RASSF5: variants seen among roughly 807,000 people sequenced by gnomAD.
The protein encoded by RASSF5 is Ras association domain family member 5.
Under a neutral mutation model 40.5 loss-of-function variants are expected in RASSF5, and 25 were observed. The ratio of observed to expected loss-of-function variants is 0.62; its 90% CI spans 0.45 to 0.86. The LOEUF (loss-of-function observed/expected upper bound fraction) is 0.86, where lower values mean the gene tolerates loss of function less well. Ranked by LOEUF, RASSF5 falls within the 40% of genes least tolerant of loss-of-function variation. The probability of loss-of-function intolerance (pLI) is 0.00; values close to 1 mark genes in which losing one functional copy is unlikely to be tolerated. For synonymous variants in RASSF5, 246 were observed against 252.4 expected, an observed-to-expected ratio of 0.97 and a Z score of 0.24; for missense variants, 521 against 572.8, an observed-to-expected ratio of 0.91 and a Z score of 0.92.
intron 2 of RASSF5, among the ~76,000 whole-genome samples, chr1:206,578,086 G>C (rs1668721743): frequency 6.6e-6 from 1 of 150,828 alleles, no homozygotes; most frequent in Admixed American, 6.6e-5. Flanking sequence ...AATTAGCCAG[G>C]AGTGTGGCAC....
chr1:206,528,715 G>T lies in RASSF5; in HGVS notation c.458-9457G>T, dbSNP rs373069214. ...TTCCTGCTCAATTTTACTGTGAACCGACATTGTTCCAAAAAAGTCTATTTT... is the reference window on the plus strand; with the variant it reads ...TTCCTGCTCAATTTTACTGTGAACCTACATTGTTCCAAAAAAGTCTATTTT... On this transcript the variant is annotated intron_variant, in intron 1 of 5. Coordinates refer to ENST00000579436, the MANE Select transcript of RASSF5 (RefSeq NM_182663.4). Among the ~76,000 whole-genome samples, 8 of 152,106 alleles carry T rather than the reference G, an allele frequency of 5.3e-5. No individual in the cohort carries two copies. The East Asian group carries it at 1.5e-3, about 29-fold the overall frequency.
Position 206,507,819 on chromosome 1 carries a change from C to G in RASSF5, c.217C>G (p.Pro73Ala). The change falls in exon 1 of 6, where the codon CCG (proline) becomes GCG (alanine). Residue 73 changes from proline (P) to alanine (A), a missense_variant. Physicochemically the swap from Pro to Ala is conservative, Grantham distance 27. Coordinates refer to ENST00000579436, the MANE Select transcript of RASSF5 (RefSeq NM_182663.4). ...GGCTGCCCGGGGGAACCTGGAGCCC[C>G]CGCCCCGGGCCTCCCGACCCGCTCG... Reference protein sequence around the residue: ...RRAARGNLEPPPRASRPARPL... With the variant: ...RRAARGNLEPAPRASRPARPL... 7.1e-7 allele frequency: 1 copy of G among 1,407,758 alleles called. No homozygotes were observed. Among genetic ancestry groups the G allele is most frequent in the East Asian group, 3.0e-5 (1 of 32,836 alleles). 87.2% of individuals were successfully genotyped at this position (1,407,758 alleles called of 1,614,324 possible).
intron 1 of RASSF5, among the ~76,000 whole-genome samples, chr1:206,521,333 G>A (rs1375798895): frequency 3.3e-5 from 5 of 152,112 alleles, no homozygotes; most frequent in Admixed American, 6.5e-5. Context: ...GCCTGCTTTC[G>A]CCCGGTTGAT....
chr1:206,521,247 T>TA (rs1340791530), intron 1 of RASSF5, among the ~76,000 whole-genome samples: 3 of 152,236 alleles, frequency 2.0e-5, no homozygotes, highest in African/African-American at 4.8e-5. Flanking sequence ...GATGCAGCTG[T>TA]AAAGAAACCT....
chr1:206,562,664 G>A (rs183998467), intron 2 of RASSF5, among the ~76,000 whole-genome samples: 30 of 152,288 alleles, frequency 2.0e-4, no homozygotes, highest in Non-Finnish European at 3.8e-4. Flanking sequence ...CGGGCGTGGT[G>A]GCTCATGCCT....
chr1:206,550,252 A>G (rs1263776710), intron 2 of RASSF5, among the ~76,000 whole-genome samples: 1 of 152,094 alleles, frequency 6.6e-6, no homozygotes, highest in Non-Finnish European at 1.5e-5. Flanking sequence ...TGGTTGTTTT[A>G]ATCAGGAGGA....
intron 2 of RASSF5, 127 bp from the exon 3 acceptor site, chr1:206,583,142 G>A (rs1398568879): frequency 4.1e-5 from 27 of 665,386 alleles, no homozygotes; most frequent in Non-Finnish European, 6.3e-5. Context: ...AGTCCGTGCA[G>A]TTAGTTCCAC....
Position 206,538,247 on chromosome 1 carries a change from G to A in RASSF5, c.533G>A (p.Arg178Gln), listed in dbSNP as rs782638829. The A allele has an allele frequency of 1.4e-5, 22 of 1,614,030 alleles. No homozygotes were observed. The highest frequency in any genetic ancestry group is 1.7e-4 in the Middle Eastern group (1 of 6,052). ...TGCAGTCAGCAGGAGGGTTTATCCC[G>A]GGACAGACCCTCTCCAGAAAGCACC... ...LDCSQQEGLS[R>Q]DRPSPESTLT... is the part of the protein sequence containing the mutation. The change falls in exon 2 of 6, where the codon CGG becomes CAG. Residue 178 changes from arginine (R) to glutamine (Q), a missense_variant. Arg to Gln is a conservative substitution (Grantham distance 43). This residue lies in a region of RASSF5 where 284 missense variants were observed against 360.8 expected (regional missense o/e 0.79). Coordinates refer to ENST00000579436, the MANE Select transcript of RASSF5 (RefSeq NM_182663.4).
intron 2 of RASSF5, among the ~76,000 whole-genome samples, chr1:206,572,215 C>T (rs572505198): frequency 1.2e-4 from 19 of 152,228 alleles, no homozygotes; most frequent in African/African-American, 4.6e-4. Flanking sequence ...TTTTCTTCAA[C>T]GCATGAAGCC....
Position 206,507,829 on chromosome 1 carries a change from C to A in RASSF5, c.227C>A (p.Ala76Asp). Residue 76 changes from alanine to aspartate, a missense_variant, in exon 1 of 6, where the codon GCC becomes GAC. Around this residue, in one of 2 missense-constraint regions of RASSF5, gnomAD observed 237 missense variants for 212.0 expected, o/e 1.12. Coordinates refer to ENST00000579436, the MANE Select transcript of RASSF5 (RefSeq NM_182663.4). Reference protein sequence around the residue: ...ARGNLEPPPRASRPARPLRPG... With the variant: ...ARGNLEPPPRDSRPARPLRPG... Reference sequence around the variant, plus strand: ...GGGAACCTGGAGCCCCCGCCCCGGGCCTCCCGACCCGCTCGCCCGCTCCGG... The same window carrying A: ...GGGAACCTGGAGCCCCCGCCCCGGGACTCCCGACCCGCTCGCCCGCTCCGG... The A allele has an allele frequency of 9.1e-6, 13 of 1,425,258 alleles. No homozygotes were observed. The highest frequency in any genetic ancestry group is 1.2e-5 in the Non-Finnish European group (13 of 1,096,616). The allele number at this position is 1,425,258 out of a possible 1,614,324, so 88.3% of individuals were successfully genotyped here. A position where few individuals can be genotyped will look rare whatever the true frequency, so the allele number is the denominator to read the frequency against.
Position 206,531,887 on chromosome 1 carries a change from T to A in RASSF5, c.458-6285T>A, listed in dbSNP as rs1382993679. 1.6e-4 allele frequency among the ~76,000 whole-genome samples: 23 copies of A among 148,172 alleles called. No homozygotes were observed. Among genetic ancestry groups the A allele is most frequent in the African/African-American group, 4.8e-4 (19 of 39,452 alleles). ...CCTGTCTCTACTAAAAAAAAATAAA[T>A]AAATAAATACAAAAATTAGCCAGGC... On this transcript the variant is annotated intron_variant, in intron 1 of 5. Transcript: ENST00000579436. The surrounding 1 kb of genome is among the most constrained non-coding windows in gnomAD (Gnocchi z 4.7).
At chr1:206,551,067 A>G (rs998136704) in intron 2 of RASSF5, among the ~76,000 whole-genome samples, 13 of 152,230 alleles carry the variant, frequency 8.5e-5, no homozygotes, top group African/African-American at 2.9e-4. Context: ...GCCACCAGAA[A>G]TGAGAGGAAC....
intron 2 of RASSF5, among the ~76,000 whole-genome samples, chr1:206,561,663 CTTTT>C (rs61094454): frequency 1.7e-5 from 2 of 118,014 alleles, no homozygotes; most frequent in Admixed American, 9.0e-5. Flanking sequence ...TTTTCTTTTT[CTTTT>C]TTTTTTTTTT....
rs375807739 is a variant in RASSF5 at position 206,538,318 on chromosome 1, A to G, written c.579+25A>G. The stretch of plus-strand genomic sequence containing the variant: ...GGTAGGTGCCAAAGCTCTCGTACCA[A>G]GCTGGGAACAGCCTCTGCAGGTGCC... On this transcript the variant is annotated intron_variant, in intron 2 of 5. Transcript: ENST00000579436. 1.6e-5 allele frequency: 26 copies of G among 1,611,598 alleles called. No individual in the cohort carries two copies. In the African/African-American group the frequency reaches 2.1e-4, roughly 13 times the overall value.
chr1:206,577,761 T>A (rs1258082149), intron 2 of RASSF5, among the ~76,000 whole-genome samples: 6 of 152,220 alleles, frequency 3.9e-5, no homozygotes, highest in Non-Finnish European at 7.3e-5. Context: ...ACCTTTTTTG[T>A]CCACTGTAGG....
chr1:206,528,222 T>C (rs537075936), intron 1 of RASSF5, among the ~76,000 whole-genome samples: 3 of 152,034 alleles, frequency 2.0e-5, no homozygotes, highest in Non-Finnish European at 2.9e-5. Flanking sequence ...ATAGCTACTA[T>C]GTACCCACAA....
chr1:206,582,067 G>A (rs7525989), intron 2 of RASSF5, among the ~76,000 whole-genome samples: 8 of 152,272 alleles, frequency 5.3e-5, no homozygotes, highest in South Asian at 4.2e-4. Context: ...ACACTTGAAC[G>A]TCAGGCAAAT....
chr1:206,536,954 C>T (rs1434603561), intron 1 of RASSF5, among the ~76,000 whole-genome samples: 6 of 152,200 alleles, frequency 3.9e-5, no homozygotes, highest in Admixed American at 2.6e-4. Flanking sequence ...ACCTCAGATC[C>T]GAGCATTTTC....
chr1:206,534,657 C>G (rs1436222165), intron 1 of RASSF5, among the ~76,000 whole-genome samples: 1 of 152,188 alleles, frequency 6.6e-6, no homozygotes, highest in Admixed American at 6.5e-5. Flanking sequence ...CTTCCTAGGT[C>G]TGTGCCACAG....
Sources: allele counts gnomAD v4.1 joint callset (sites outside exome capture counted in the v4.1 genomes callset), GRCh38; gene constraint gnomAD v4.1.1; regional missense constraint gnomAD v4.1.1; non-coding constraint Gnocchi (gnomAD v3.1); transcripts MANE v1.5; gene names NCBI Gene and HGNC (gene_info 2026-07-23, HGNC 2026-07-21).